The following PCDH15 variants were observed in gnomAD, a reference collection of about 807,000 sequenced individuals.
PCDH15 encodes the protein protocadherin-15.
Under a neutral mutation model 178.5 loss-of-function variants are expected in PCDH15, and 129 were observed. The observed-to-expected ratio is 0.72, with a 90% CI of 0.63 to 0.84. The LOEUF (loss-of-function observed/expected upper bound fraction) is 0.84, where lower values mean the gene tolerates loss of function less well. Ranked by LOEUF, PCDH15 falls within the 40% of genes least tolerant of loss-of-function variation. The pLI, the probability that PCDH15 is intolerant of heterozygous loss-of-function variation, is 0.00. For missense variants in PCDH15, 2,230 were observed against 2,099.9 expected, an observed-to-expected ratio of 1.06 and a Z score of -1.21; for synonymous variants, 800 against 732.0, an observed-to-expected ratio of 1.09 and a Z score of -1.50.
intron 37 of PCDH15, among the ~76,000 whole-genome samples, chr10:53,807,685 A>T (rs1218029045): frequency 1.3e-5 from 2 of 152,178 alleles, no homozygotes; most frequent in African/African-American, 4.8e-5. Context: ...TACTTGATGT[A>T]TAATTTAATG....
chr10:54,677,528 G>A (rs1346533331), intron 1 of PCDH15, among the ~76,000 whole-genome samples: 2 of 152,056 alleles, frequency 1.3e-5, no homozygotes, highest in Admixed American at 6.6e-5. Context: ...AAACACCACA[G>A]TTATTTCAGG....
At chr10:55,555,126 T>C (rs948129049) in intron 2 of PCDH15, among the ~76,000 whole-genome samples, 1 of 152,114 alleles carries the variant, frequency 6.6e-6, no homozygotes, top group Non-Finnish European at 1.5e-5. Flanking sequence ...TTTGGGATCA[T>C]AGAAGCTATT....
At chr10:55,078,386 T>C (rs1841961882) in intron 2 of PCDH15, among the ~76,000 whole-genome samples, 1 of 152,190 alleles carries the variant, frequency 6.6e-6, no homozygotes, top group Non-Finnish European at 1.5e-5. Flanking sequence ...GAAGTTTTCA[T>C]CTATTATTCA....
intron 2 of PCDH15, among the ~76,000 whole-genome samples, chr10:55,533,343 C>T (rs974954887): frequency 1.3e-5 from 2 of 152,002 alleles, no homozygotes; most frequent in Admixed American, 6.6e-5. Context: ...AAAGACTTCA[C>T]CAAGGTCTTA....
intron 13 of PCDH15, among the ~76,000 whole-genome samples, chr10:54,168,585 C>T (rs937637696): frequency 6.6e-6 from 1 of 152,160 alleles, no homozygotes; most frequent in African/African-American, 2.4e-5. Flanking sequence ...GCAATTTACT[C>T]TTAAAAAGGT....
chr10:55,508,403 A>T (rs1356554828), intron 2 of PCDH15, among the ~76,000 whole-genome samples: 1 of 151,814 alleles, frequency 6.6e-6, no homozygotes, highest in Non-Finnish European at 1.5e-5. Flanking sequence ...CGGTTAGTTT[A>T]AAAAGCATTG....
At chr10:53,859,724 A>G (rs2078980438) in intron 27 of PCDH15, among the ~76,000 whole-genome samples, 1 of 152,166 alleles carries the variant, frequency 6.6e-6, no homozygotes, top group Non-Finnish European at 1.5e-5. Flanking sequence ...CCTTACTGAT[A>G]TAGATCCGAA....
chr10:55,320,613 T>G (rs1341060249), upstream of PCDH15, among the ~76,000 whole-genome samples: 1 of 152,128 alleles, frequency 6.6e-6, no homozygotes, highest in African/African-American at 2.4e-5. Context: ...TAATGTGAAG[T>G]CAGGGAGAAA....
intron 1 of PCDH15, among the ~76,000 whole-genome samples, chr10:54,763,816 A>G (rs2133177432): frequency 6.7e-6 from 1 of 149,212 alleles, no homozygotes; most frequent in African/African-American, 2.4e-5. Flanking sequence ...TGTATCCATT[A>G]AATGTAAATA....
At position 54,062,227 on chromosome 10, in the gene PCDH15, C is replaced by CAAAAAAAAA. The variant is rs72361686; in HGVS notation, c.2220+4521_2220+4529dup. Among the ~76,000 whole-genome samples the CAAAAAAAAA allele has an allele frequency of 1.9e-3, 104 of 53,744 alleles. 5 individuals carry two copies. The highest frequency in any genetic ancestry group is 2.6e-3 in the Non-Finnish European group (79 of 30,704). The allele number at this position is 53,744 out of a possible 152,430, so 35.3% of individuals were successfully genotyped here. ...GGGTGACAAGAGTGAGATTCTGTCTCAAAAAAAAAAAAAAAAAAAAAAAAA... is the reference window on the plus strand; with the variant it reads ...GGGTGACAAGAGTGAGATTCTGTCTCAAAAAAAAAAAAAAAAAAAAAAAAAAAAAAAAAA... On this transcript the variant is annotated intron_variant, in intron 18 of 37. Coordinates refer to ENST00000644397, the MANE Select transcript of PCDH15 (RefSeq NM_001384140.1).
At chr10:55,308,129 A>G (rs1375524487) in intron 1 of PCDH15, among the ~76,000 whole-genome samples, 1 of 152,204 alleles carries the variant, frequency 6.6e-6, no homozygotes, top group African/African-American at 2.4e-5. Context: ...GTTTCACTAA[A>G]TAAAATGGAT....
intron 27 of PCDH15, among the ~76,000 whole-genome samples, chr10:53,865,612 T>C (rs553685183): frequency 1.9e-4 from 29 of 152,344 alleles, no homozygotes; most frequent in Non-Finnish European, 4.0e-4. Context: ...ATATCTCCTA[T>C]GTCAAAAGCT....
At chr10:54,715,789 T>C (rs540594900) in intron 1 of PCDH15, among the ~76,000 whole-genome samples, 2 of 152,206 alleles carry the variant, frequency 1.3e-5, no homozygotes, top group East Asian at 3.9e-4. Context: ...CATTCATCCC[T>C]TCCCATGCAA....
chr10:54,127,423 A>G (rs1564484064), intron 15 of PCDH15, among the ~76,000 whole-genome samples: 1 of 152,188 alleles, frequency 6.6e-6, no homozygotes, highest in African/African-American at 2.4e-5. Flanking sequence ...ACTGCTGATA[A>G]CTGCATATTT....
chr10:54,198,348 C>T (rs78302450), intron 10 of PCDH15, among the ~76,000 whole-genome samples: 349 of 152,110 alleles, frequency 2.3e-3, no homozygotes, highest in African/African-American at 8.1e-3. Context: ...ATATGGGCTT[C>T]CAACCCAATG....
chr10:53,814,373 A>G (rs1225245627), intron 35 of PCDH15, among the ~76,000 whole-genome samples: 1 of 152,218 alleles, frequency 6.6e-6, no homozygotes, highest in Admixed American at 6.5e-5. Context: ...AGTCAGCATC[A>G]AAGAATTTTC....
intron 26 of PCDH15, among the ~76,000 whole-genome samples, chr10:53,874,956 G>A (rs1245226506): frequency 2.0e-5 from 3 of 152,054 alleles, no homozygotes; most frequent in Admixed American, 6.5e-5. Context: ...CAGGTTAAGC[G>A]CAGCTGACCA....
At chr10:55,293,276 A>C (rs59968345) in intron 1 of PCDH15, among the ~76,000 whole-genome samples, 1 of 152,052 alleles carries the variant, frequency 6.6e-6, no homozygotes, top group South Asian at 2.1e-4. Context: ...TGCACATAGC[A>C]TAAAGATGCT....
chr10:54,316,473 A>G (rs1449028303), intron 8 of PCDH15, among the ~76,000 whole-genome samples: 1 of 151,982 alleles, frequency 6.6e-6, no homozygotes. Context: ...TAGCAAAAAT[A>G]CTGGTTAAAT....
Sources: allele counts gnomAD v4.1 joint callset (sites outside exome capture counted in the v4.1 genomes callset), GRCh38; gene constraint gnomAD v4.1.1; transcripts MANE v1.5; gene names NCBI Gene and HGNC (gene_info 2026-07-23, HGNC 2026-07-21).